ZBTB20: variants seen among roughly 807,000 people sequenced by gnomAD.
The protein encoded by ZBTB20 is zinc finger and BTB domain-containing protein 20.
Under a neutral mutation model 56.9 loss-of-function variants are expected in ZBTB20, and 9 were observed. That is an observed-to-expected ratio of 0.16 (90% CI 0.10 to 0.28). The LOEUF is 0.28. Ranked by LOEUF, ZBTB20 falls within the 10% of genes least tolerant of loss-of-function variation. The probability of loss-of-function intolerance (pLI) is 1.00; values close to 1 mark genes in which losing one functional copy is unlikely to be tolerated. For synonymous variants in ZBTB20, 417 were observed against 420.7 expected (o/e 0.99, Z 0.11); for missense variants, 655 against 1,003.0 (o/e 0.65, Z 4.69).
At chr3:114,665,521 C>T (rs760375082) in intron 6 of ZBTB20, among the ~76,000 whole-genome samples, 20 of 151,858 alleles carry the variant, frequency 1.3e-4, no homozygotes, top group Non-Finnish European at 2.7e-4. Context: ...TGAGCTCTTT[C>T]AGGCAAAAAG....
chr3:114,607,548 C>T (rs962129957), intron 6 of ZBTB20, among the ~76,000 whole-genome samples: 2 of 152,060 alleles, frequency 1.3e-5, no homozygotes, highest in African/African-American at 4.8e-5. Context: ...GGTGATCCAC[C>T]CGCCTCGGCC....
At chr3:114,662,325 T>G (rs1409268364) in intron 6 of ZBTB20, among the ~76,000 whole-genome samples, 1 of 149,554 alleles carries the variant, frequency 6.7e-6, no homozygotes, top group Non-Finnish European at 1.5e-5. Flanking sequence ...TTGGGTTGGT[T>G]CCAAGTCTTT....
At chr3:115,085,747 G>A (rs900397188) in intron 1 of ZBTB20, among the ~76,000 whole-genome samples, 5 of 151,714 alleles carry the variant, frequency 3.3e-5, no homozygotes, top group African/African-American at 1.2e-4. Flanking sequence ...TTGTTTCTTT[G>A]GTAATCACTC....
At chr3:115,086,976 A>G (rs1295356499) in intron 1 of ZBTB20, among the ~76,000 whole-genome samples, 1 of 151,832 alleles carries the variant, frequency 6.6e-6, no homozygotes, top group East Asian at 1.9e-4. Context: ...TTATCATATC[A>G]GTGAGAAGTT....
At chr3:114,863,949 T>G (rs1200597692) in intron 4 of ZBTB20, among the ~76,000 whole-genome samples, 1 of 152,104 alleles carries the variant, frequency 6.6e-6, no homozygotes, top group Non-Finnish European at 1.5e-5. Context: ...AAAATGAAAC[T>G]GAAACGTATC....
intron 3 of ZBTB20, among the ~76,000 whole-genome samples, chr3:114,916,911 G>T (rs1298094064): frequency 1.3e-5 from 2 of 152,062 alleles, no homozygotes; most frequent in Non-Finnish European, 2.9e-5. Flanking sequence ...ACCTTCTTGT[G>T]CTTGAATAAT....
At chr3:114,782,087 C>G (rs1309250137) in intron 5 of ZBTB20, among the ~76,000 whole-genome samples, 1 of 152,192 alleles carries the variant, frequency 6.6e-6, no homozygotes. Context: ...CATGAAAGCA[C>G]TCACTGAGGA....
chr3:114,488,308 A>G (rs2042364017), intron 7 of ZBTB20, among the ~76,000 whole-genome samples: 1 of 152,254 alleles, frequency 6.6e-6, no homozygotes, highest in Non-Finnish European at 1.5e-5. Flanking sequence ...CAAACCTGTT[A>G]GACGGCTCAT....
At chr3:114,396,246 T>C (rs2086329764) in intron 7 of ZBTB20, among the ~76,000 whole-genome samples, 2 of 152,144 alleles carry the variant, frequency 1.3e-5, no homozygotes, top group East Asian at 1.9e-4. Flanking sequence ...CCTCTTACAG[T>C]GAGTATGTGT....
intron 7 of ZBTB20, among the ~76,000 whole-genome samples, chr3:114,488,111 G>A: frequency 6.6e-6 from 1 of 152,182 alleles, no homozygotes; most frequent in Non-Finnish European, 1.5e-5. Context: ...ATGTAACCAG[G>A]TGAATACTTA....
intron 5 of ZBTB20, among the ~76,000 whole-genome samples, chr3:114,709,442 T>C (rs1381577381): frequency 6.6e-6 from 1 of 152,096 alleles, no homozygotes; most frequent in Admixed American, 6.6e-5. Flanking sequence ...TAGGCAGAGA[T>C]GTGGAGAAAA....
chr3:114,480,101 A>G (rs922898056), intron 7 of ZBTB20, among the ~76,000 whole-genome samples: 1 of 152,160 alleles, frequency 6.6e-6, no homozygotes, highest in Non-Finnish European at 1.5e-5. Flanking sequence ...AAGCATATGT[A>G]TATTGTGGCA....
In ZBTB20 at chr3:114,400,191, C is replaced by T. The variant is rs531547697; in HGVS notation, c.-254-11086G>A. On this transcript the variant is annotated intron_variant, in intron 7 of 11. Transcript: ENST00000675478. ...ATCTGGTAAGAACCAGCCGTGTGAC[C>T]ATGGCCAAGTCACTAACTTTTGTGA... Among the ~76,000 whole-genome samples the T allele has an allele frequency of 5.0e-4, 76 of 152,166 alleles. 1 individual carries two copies. Among genetic ancestry groups the T allele is most frequent in the African/African-American group, 1.6e-3 (68 of 41,528 alleles).
At chr3:114,746,810 T>C (rs898444934) in intron 5 of ZBTB20, among the ~76,000 whole-genome samples, 3 of 152,248 alleles carry the variant, frequency 2.0e-5, no homozygotes, top group Admixed American at 2.0e-4. Flanking sequence ...TATCAGAATC[T>C]ATATTGAAAA....
intron 6 of ZBTB20, among the ~76,000 whole-genome samples, chr3:114,608,508 A>G (rs1358876066): frequency 1.3e-5 from 2 of 152,324 alleles, no homozygotes; most frequent in East Asian, 3.9e-4. Context: ...ACTTTGTACA[A>G]TAGCTAAACA....
chr3:115,023,467 CCTT>C (rs1186511228), intron 2 of ZBTB20, among the ~76,000 whole-genome samples: 2 of 150,834 alleles, frequency 1.3e-5, no homozygotes, highest in African/African-American at 4.8e-5. Context: ...TTCTGCATCA[CCTT>C]CTTTTCTTCT....
chr3:114,833,389 A>C (rs1445987886), intron 4 of ZBTB20, among the ~76,000 whole-genome samples: 2 of 152,182 alleles, frequency 1.3e-5, no homozygotes, highest in African/African-American at 4.8e-5. Context: ...GCAACACTTT[A>C]AATACTTTAA....
intron 4 of ZBTB20, among the ~76,000 whole-genome samples, chr3:114,809,226 A>G (rs1421830180): frequency 1.3e-5 from 2 of 151,756 alleles, no homozygotes; most frequent in Non-Finnish European, 2.9e-5. Context: ...TATTCATCAC[A>G]TTTGGGAAGT....
intron 4 of ZBTB20, among the ~76,000 whole-genome samples, chr3:114,831,903 C>G (rs1305463021): frequency 6.6e-6 from 1 of 152,024 alleles, no homozygotes; most frequent in Non-Finnish European, 1.5e-5. Flanking sequence ...TTCTAGGATC[C>G]TATTCCACCT....
Sources: gnomAD v4.1 joint callset for allele counts (sites outside exome capture counted in the v4.1 genomes callset) on GRCh38, gnomAD v4.1.1 for gene constraint, MANE v1.5 for transcripts, NCBI Gene and HGNC (gene_info 2026-07-23, HGNC 2026-07-21) for gene names.